ARHGAP19: variants seen among roughly 807,000 people sequenced by gnomAD.
ARHGAP19 encodes Rho GTPase activating protein 19.
ARHGAP19 carries 48 observed loss-of-function variants against 60.9 expected under a neutral mutation model. The ratio of observed to expected loss-of-function variants is 0.79; its 90% confidence interval spans 0.62 to 1.00. The LOEUF is 1.00. ARHGAP19 is among the 50% of genes least tolerant of loss of function. The probability of loss-of-function intolerance (pLI) is 0.00; values close to 1 mark genes in which losing one functional copy is unlikely to be tolerated. For synonymous variants in ARHGAP19, 209 were observed against 215.5 expected, an observed-to-expected ratio of 0.97 and a Z score of 0.27; for missense variants, 562 against 597.2, an observed-to-expected ratio of 0.94 and a Z score of 0.61.
chr10:97,235,666 G>A lies in ARHGAP19; in HGVS notation c.1186-351C>T, dbSNP rs111273557. ...GCATCTTGGAACCACACAGTTACTG[G>A]CACAATCTAAAACAGTCCCTAATTT... On this transcript the variant is annotated intron_variant, in intron 8 of 11. Coordinates refer to ENST00000358531, the MANE Select transcript of ARHGAP19 (RefSeq NM_032900.6). Among the ~76,000 whole-genome samples, 106 of 152,228 alleles carry A rather than the reference G, an allele frequency of 7.0e-4. 3 individuals are homozygous for A. Among genetic ancestry groups the A allele is most frequent in the African/African-American group, 1.9e-3 (78 of 41,544 alleles).
At chr10:97,245,055 G>A (rs1229831025) in intron 7 of ARHGAP19, among the ~76,000 whole-genome samples, 3 of 151,940 alleles carry the variant, frequency 2.0e-5, no homozygotes, top group Admixed American at 6.6e-5. Flanking sequence ...ACCCAGACTG[G>A]AGTACAGTGT....
In ARHGAP19 at chr10:97,244,089, C is replaced by A; in HGVS notation, c.1064G>T (p.Arg355Leu). The change falls in exon 8 of 12, where the codon CGG (arginine) becomes CTG (leucine). Residue 355 changes from arginine to leucine, a missense_variant. Transcript: ENST00000358531. ...FQLAKSQKRNRVDSCPHQEET... is the reference protein window; with the variant it reads ...FQLAKSQKRNLVDSCPHQEET... Reference sequence around the variant, plus strand: ...CTCCTGGTGAGGGCAGGAATCTACCCGGTTCCGTTTCTGAGACTTTGCCAG... The same window carrying A: ...CTCCTGGTGAGGGCAGGAATCTACCAGGTTCCGTTTCTGAGACTTTGCCAG... 6.2e-7 allele frequency: 1 copy of A among 1,613,952 alleles called. No homozygotes were observed. The highest frequency in any genetic ancestry group is 8.5e-7 in the Non-Finnish European group (1 of 1,179,952).
chr10:97,238,783 GTGA>G (rs1404718438), intron 8 of ARHGAP19, among the ~76,000 whole-genome samples: 4 of 152,146 alleles, frequency 2.6e-5, no homozygotes, highest in South Asian at 4.1e-4. Context: ...TAAGTGTACA[GTGA>G]TTATAAAGTC....
In ARHGAP19 at chr10:97,226,036, AGTCCAAGCTTTGCT is replaced by A; in HGVS notation, c.*72_*85del. On this transcript the variant is annotated 3_prime_UTR_variant, in exon 12 of 12. Coordinates refer to ENST00000358531, the MANE Select transcript of ARHGAP19 (RefSeq NM_032900.6). ...TTCAAAATGCAGCAAGCAAGCTGCAAGTCCAAGCTTTGCTGTGGGCAGGAATAACACCTGCCCAC... is the reference window on the plus strand; with the variant it reads ...TTCAAAATGCAGCAAGCAAGCTGCAAGTGGGCAGGAATAACACCTGCCCAC... The A allele has an allele frequency of 1.4e-6, 2 of 1,459,004 alleles. No individual in the cohort carries two copies. The highest frequency in any genetic ancestry group is 1.9e-6 in the Non-Finnish European group (2 of 1,051,632). The allele number at this position is 1,459,004 out of a possible 1,614,324, so 90.4% of individuals were successfully genotyped here.
chr10:97,246,822 G>A (rs1842570220), intron 6 of ARHGAP19, among the ~76,000 whole-genome samples: 1 of 151,288 alleles, frequency 6.6e-6, no homozygotes, highest in African/African-American at 2.4e-5. Context: ...GCAACACAGG[G>A]AGACCCCCAA....
At chr10:97,259,793 G>C (rs1366661255) in intron 4 of ARHGAP19, among the ~76,000 whole-genome samples, 165 bp from the exon 5 acceptor site, 9 of 151,734 alleles carry the variant, frequency 5.9e-5, no homozygotes, top group Non-Finnish European at 8.8e-5. Flanking sequence ...ACAAAATAAT[G>C]TCAATGCAAT....
chr10:97,278,558 G>A (rs1843046731), intron 1 of ARHGAP19, among the ~76,000 whole-genome samples: 1 of 152,062 alleles, frequency 6.6e-6, no homozygotes. Context: ...TATCAATCAG[G>A]TGGATTGTGG....
intron 4 of ARHGAP19, among the ~76,000 whole-genome samples, chr10:97,262,333 G>A (rs1209571077): frequency 6.6e-6 from 1 of 151,958 alleles, no homozygotes; most frequent in Non-Finnish European, 1.5e-5. Context: ...TTTGAACTAT[G>A]TGTTTCTATT....
At chr10:97,251,001 T>TGG in intron 6 of ARHGAP19, among the ~76,000 whole-genome samples, 1 of 149,962 alleles carries the variant, frequency 6.7e-6, no homozygotes. Context: ...AAGTCAAAGC[T>TGG]GCAGTGAGCA....
chr10:97,291,578 G>A (rs910179812), intron 1 of ARHGAP19, among the ~76,000 whole-genome samples: 11 of 152,320 alleles, frequency 7.2e-5, no homozygotes, highest in Admixed American at 2.6e-4. Context: ...ACAGGCGTAA[G>A]CCACCATGCC....
chr10:97,250,373 T>C (rs533771665), intron 6 of ARHGAP19, among the ~76,000 whole-genome samples: 2 of 136,246 alleles, frequency 1.5e-5, no homozygotes, highest in African/African-American at 2.7e-5. Context: ...ATGATATGTA[T>C]AGTTTAATTT....
intron 8 of ARHGAP19, 113 bp downstream of exon 8, chr10:97,243,855 G>C (rs886839414): frequency 1.9e-6 from 2 of 1,043,222 alleles, no homozygotes; most frequent in Admixed American, 2.5e-5. Flanking sequence ...AGACAAGCCT[G>C]ATTTCTCAGC....
At position 97,222,378 on chromosome 10, in the gene ARHGAP19, C is replaced by T. The variant is rs554539675; in HGVS notation, c.*3744G>A. ...GCAACCCTTGCTCTGCAGAAAGAAC[C>T]CTGGGGTGAGGGAATATTTCCCCCA... On this transcript the variant is annotated 3_prime_UTR_variant, in exon 12 of 12. Transcript: ENST00000358531. 1 of 152,202 alleles carries T rather than the reference C, an allele frequency of 6.6e-6. No homozygotes were observed. The highest frequency in any genetic ancestry group is 1.5e-5 in the Non-Finnish European group (1 of 68,046). The allele number at this position is 152,202 out of a possible 1,614,324, so 9.4% of individuals were successfully genotyped here. A position where few individuals can be genotyped will look rare whatever the true frequency, so the allele number is the denominator to read the frequency against.
At chr10:97,240,528 A>G (rs547178200) in intron 8 of ARHGAP19, among the ~76,000 whole-genome samples, 1 of 152,262 alleles carries the variant, frequency 6.6e-6, no homozygotes, top group Admixed American at 6.5e-5. Context: ...GTGCTCCACT[A>G]TAATCTCAGT....
In ARHGAP19 at chr10:97,239,703, A is replaced by AT. The variant is rs1311502745; in HGVS notation, c.1185+4264dup. On this transcript the variant is annotated intron_variant, in intron 8 of 11. Coordinates refer to ENST00000358531, the MANE Select transcript of ARHGAP19 (RefSeq NM_032900.6). ...TGTAATGTTAGTAAGTAATGTACCA[A>AT]TTTTTTGTTTTCTTTTTTTTTTGAC... is the stretch of plus-strand genomic sequence containing the variant. 9.9e-4 allele frequency among the ~76,000 whole-genome samples: 149 copies of AT among 150,990 alleles called. 1 individual carries two copies. The highest frequency in any genetic ancestry group is 3.5e-3 in the African/African-American group (143 of 41,184).
Position 97,251,163 on chromosome 10 carries a change from AGGGAAG to A in ARHGAP19, c.928-4832_928-4827del, listed in dbSNP as rs1283465261. ...GAAGAGAAGGGGAAAGCCAAGGGGA[AGGGAAG>A]GGGAAGGGAAAGGGAAAGGAAGGGA... On this transcript the variant is annotated intron_variant, in intron 6 of 11. Coordinates refer to ENST00000358531, the MANE Select transcript of ARHGAP19 (RefSeq NM_032900.6). 5.0e-4 allele frequency among the ~76,000 whole-genome samples: 46 copies of A among 91,258 alleles called. 1 individual carries two copies. Among genetic ancestry groups the A allele is most frequent in the African/African-American group, 1.9e-3 (44 of 23,152 alleles). The allele number at this position is 91,258 out of a possible 152,430, so 59.9% of individuals were successfully genotyped here. A position where few individuals can be genotyped will look rare whatever the true frequency, so the allele number is the denominator to read the frequency against.
At chr10:97,240,135 A>G (rs1356902862) in intron 8 of ARHGAP19, among the ~76,000 whole-genome samples, 4 of 152,060 alleles carry the variant, frequency 2.6e-5, no homozygotes, top group Non-Finnish European at 4.4e-5. Context: ...GGGAAAAAAA[A>G]AAGAAGAAAG....
rs543831203 is a variant in ARHGAP19, at chr10:97,258,886, TAAG to T, written c.840+513_840+515del. On this transcript the variant is annotated intron_variant, in intron 5 of 11. Coordinates refer to ENST00000358531, the MANE Select transcript of ARHGAP19 (RefSeq NM_032900.6). ...GTCACTGAGAAGACCATGGTCTCCA[TAAG>T]AAGAAGCAAGTTCAGCTTTATCCAA... The T allele has an allele frequency of 6.6e-3, 1,004 of 152,472 alleles. 3 individuals carry two copies. The highest frequency in any genetic ancestry group is 0.012 in the Non-Finnish European group (810 of 68,420). The allele number at this position is 152,472 out of a possible 1,614,324, so 9.4% of individuals were successfully genotyped here.
intron 6 of ARHGAP19, 83 bp from the exon 7 acceptor site, chr10:97,246,420 A>C: frequency 1.8e-6 from 2 of 1,089,662 alleles, no homozygotes; most frequent in Non-Finnish European, 2.8e-6. Flanking sequence ...AGTGGTTCTC[A>C]AAATCATTTG....
Sources: allele counts gnomAD v4.1 joint callset (sites outside exome capture counted in the v4.1 genomes callset), GRCh38; gene constraint gnomAD v4.1.1; transcripts MANE v1.5; gene names NCBI Gene and HGNC (gene_info 2026-07-23, HGNC 2026-07-21).